PI4KA: variants seen among roughly 807,000 people sequenced by gnomAD.
The protein encoded by PI4KA is phosphatidylinositol 4-kinase alpha, also known as PI4-kinase alpha.
In PI4KA, 122 loss-of-function variants were observed where a neutral mutation model predicts 271.4. The ratio of observed to expected loss-of-function variants is 0.45; its 90% CI spans 0.39 to 0.52. The LOEUF is 0.52. Ranked by LOEUF, PI4KA falls within the 20% of genes least tolerant of loss-of-function variation. The probability of loss-of-function intolerance (pLI) is 0.00; values close to 1 mark genes in which losing one functional copy is unlikely to be tolerated. For synonymous variants in PI4KA, 1,041 were observed against 1,078.8 expected, an observed-to-expected ratio of 0.96 and a Z score of 0.69; for missense variants, 1,969 against 2,769.1, an observed-to-expected ratio of 0.71 and a Z score of 6.48.
intron 28 of PI4KA, among the ~76,000 whole-genome samples, chr22:20,749,347 T>C (rs777784284): frequency 2.0e-5 from 3 of 152,272 alleles, no homozygotes; most frequent in Non-Finnish European, 4.4e-5. Context: ...TCATCTTTGA[T>C]TCCTTTTAAG....
chr22:20,734,353 G>C (rs969252937), intron 33 of PI4KA, 42 bp downstream of exon 33: 1 of 1,492,014 alleles, frequency 6.7e-7, no homozygotes, highest in Non-Finnish European at 9.2e-7. Context: ...TGGCCCCCCA[G>C]GTGGAGCACC....
chr22:20,821,790 C>T (rs1197627891), intron 4 of PI4KA, among the ~76,000 whole-genome samples: 2 of 151,934 alleles, frequency 1.3e-5, no homozygotes, highest in Non-Finnish European at 2.9e-5. Flanking sequence ...GGGGTTTCTC[C>T]ATGTTGGTTA....
At chr22:20,817,547 C>T (rs1400698124) in intron 7 of PI4KA, among the ~76,000 whole-genome samples, 1 of 151,220 alleles carries the variant, frequency 6.6e-6, no homozygotes, top group African/African-American at 2.4e-5. Context: ...CCAGCCTGGG[C>T]AACATGGCAA....
intron 4 of PI4KA, among the ~76,000 whole-genome samples, chr22:20,822,017 G>A (rs1028963276): frequency 6.6e-6 from 1 of 152,172 alleles, no homozygotes; most frequent in African/African-American, 2.4e-5. Flanking sequence ...AGGTGTGGTG[G>A]TGCGTGCCTG....
At chr22:20,712,325 G>A (rs1925395337) in intron 50 of PI4KA, 161 bp downstream of exon 50, 1 of 981,350 alleles carries the variant, frequency 1.0e-6, no homozygotes, top group Non-Finnish European at 1.2e-6. Context: ...AAAGTGCTAG[G>A]ATTACAGGTG....
chr22:20,855,066 C>T (rs980339036), intron 1 of PI4KA, among the ~76,000 whole-genome samples: 12 of 151,434 alleles, frequency 7.9e-5, no homozygotes, highest in Admixed American at 2.6e-4. Context: ...GCAGGAGAAT[C>T]GCTTGAACCC....
chr22:20,728,771 T>G (rs1284381697), intron 39 of PI4KA, among the ~76,000 whole-genome samples: 1 of 152,166 alleles, frequency 6.6e-6, no homozygotes, highest in Non-Finnish European at 1.5e-5. Flanking sequence ...CTGGACACAT[T>G]CACAGGAGGC....
intron 1 of PI4KA, among the ~76,000 whole-genome samples, chr22:20,848,154 C>G (rs1426659605): frequency 6.8e-6 from 1 of 146,768 alleles, no homozygotes; most frequent in African/African-American, 2.5e-5. Flanking sequence ...AGGAGAATTG[C>G]TTGAACCCAG....
chr22:20,741,281 T>C (rs765268509), intron 32 of PI4KA, among the ~76,000 whole-genome samples: 2 of 152,168 alleles, frequency 1.3e-5, no homozygotes, highest in Non-Finnish European at 2.9e-5. Context: ...GACAGCTCAC[T>C]AGGATGCAGG....
At chr22:20,725,112 G>T (rs1316910349) in intron 42 of PI4KA, among the ~76,000 whole-genome samples, 1 of 152,186 alleles carries the variant, frequency 6.6e-6, no homozygotes, top group Admixed American at 6.5e-5. Context: ...CTAGCCCCTG[G>T]GACACCCAGC....
At chr22:20,840,547 C>T (rs1242391929) in intron 1 of PI4KA, among the ~76,000 whole-genome samples, 1 of 151,332 alleles carries the variant, frequency 6.6e-6, no homozygotes, top group Non-Finnish European at 1.5e-5. Context: ...GAGGAGACTC[C>T]TGCAGCAGCT....
intron 19 of PI4KA, among the ~76,000 whole-genome samples, chr22:20,772,687 C>A (rs1466611301): frequency 6.6e-6 from 1 of 152,188 alleles, no homozygotes; most frequent in Non-Finnish European, 1.5e-5. Flanking sequence ...GCCGACACTC[C>A]CAAACATGCT....
chr22:20,755,507 G>T (rs1180980226), intron 23 of PI4KA, among the ~76,000 whole-genome samples: 1 of 152,112 alleles, frequency 6.6e-6, no homozygotes, highest in Non-Finnish European at 1.5e-5. Context: ...GGCTGTAAAA[G>T]GCAACAGAAT....
chr22:20,764,681 T>A, intron 22 of PI4KA, 136 bp downstream of exon 22: 2 of 818,076 alleles, frequency 2.4e-6, no homozygotes, highest in Non-Finnish European at 1.8e-6. Flanking sequence ...AAGTAGAGGG[T>A]GTTTTTGCTT....
At chr22:20,747,446 A>G in intron 29 of PI4KA, 137 bp downstream of exon 29, 1 of 830,618 alleles carries the variant, frequency 1.2e-6, no homozygotes. Context: ...CACCACTACC[A>G]TTGTCAACAG....
chr22:20,850,168 G>A (rs1403999138), intron 1 of PI4KA, among the ~76,000 whole-genome samples: 7 of 152,128 alleles, frequency 4.6e-5, no homozygotes, highest in Non-Finnish European at 1.0e-4. Context: ...CCTAGCCTAT[G>A]AAGGATCAAA....
At chr22:20,812,028 A>G (rs940963277) in intron 8 of PI4KA, among the ~76,000 whole-genome samples, 3 of 151,866 alleles carry the variant, frequency 2.0e-5, no homozygotes, top group South Asian at 2.1e-4. Flanking sequence ...AAAAAAAAAA[A>G]AAAAGAAAAC....
At chr22:20,766,821 C>G (rs1351814632) in intron 19 of PI4KA, among the ~76,000 whole-genome samples, 1 of 152,102 alleles carries the variant, frequency 6.6e-6, no homozygotes, top group Non-Finnish European at 1.5e-5. Context: ...CTGGTATGGG[C>G]CAGGCACTGG....
In PI4KA at chr22:20,729,390, C is replaced by G; in HGVS notation, c.4605G>C (p.Leu1535=). The G allele has an allele frequency of 6.2e-7, 1 of 1,614,130 alleles. No individual in the cohort carries two copies. Among genetic ancestry groups the G allele is most frequent in the Non-Finnish European group, 8.5e-7 (1 of 1,180,002 alleles). The part of the protein sequence containing the change: ...VANWRSKYIS[L]SEKQWKDNVN... ...CGTTGTCCTTCCACTGCTTCTCACTCAGGCTGATGTACTTAGATCTCCAGT... is the reference window on the plus strand; with the variant it reads ...CGTTGTCCTTCCACTGCTTCTCACTGAGGCTGATGTACTTAGATCTCCAGT... Residue 1535 remains leucine (L), a synonymous_variant, in exon 39 of 55, where the codon CTG becomes CTC. Coordinates refer to ENST00000255882, the MANE Select transcript of PI4KA (RefSeq NM_058004.4).
Sources: allele counts gnomAD v4.1 joint callset (sites outside exome capture counted in the v4.1 genomes callset), GRCh38; gene constraint gnomAD v4.1.1; transcripts MANE v1.5; gene names NCBI Gene and HGNC (gene_info 2026-07-23, HGNC 2026-07-21).